The following YTHDF2 variants were observed in gnomAD, a reference collection of about 807,000 sequenced individuals.
YTHDF2 encodes the protein YTH N6-methyladenosine RNA binding protein F2.
A neutral mutation model predicts 50.4 loss-of-function variants in YTHDF2; 2 were observed. The observed-to-expected ratio is 0.04, with a 90% CI of 0.02 to 0.12. The LOEUF is 0.12. Ranked by LOEUF, YTHDF2 falls within the 10% of genes least tolerant of loss-of-function variation. YTHDF2 has a pLI of 1.00. For synonymous variants in YTHDF2, 217 were observed against 255.6 expected (o/e 0.85, Z 1.44); for missense variants, 483 against 722.6 (o/e 0.67, Z 3.80).
intron 3 of YTHDF2, 139 bp downstream of exon 3, chr1:28,738,477 C>T: frequency 1.3e-6 from 1 of 788,266 alleles, no homozygotes; most frequent in Non-Finnish European, 2.0e-6. Flanking sequence ...CTGAGTCTCG[C>T]TCTGACGCCC....
chr1:28,740,443 A>G (rs191314729), intron 3 of YTHDF2: 61 of 152,336 alleles, frequency 4.0e-4, no homozygotes, highest in Non-Finnish European at 6.8e-4. Flanking sequence ...AATTTGGCTA[A>G]TAATATAAAT....
chr1:28,766,474 G>A (rs1244766528), intron 4 of YTHDF2, among the ~76,000 whole-genome samples: 1 of 152,120 alleles, frequency 6.6e-6, no homozygotes, highest in East Asian at 1.9e-4. Flanking sequence ...AAGTGAGGTT[G>A]TATCCTTCTC....
intron 4 of YTHDF2, among the ~76,000 whole-genome samples, chr1:28,767,710 G>A (rs188616286): frequency 3.7e-4 from 56 of 150,656 alleles, no homozygotes; most frequent in African/African-American, 1.3e-3. Context: ...GGGTTTCACC[G>A]TGTTAGCCGG....
chr1:28,758,371 A>C lies in YTHDF2; in HGVS notation c.1717-10558A>C, dbSNP rs543669270. Among the ~76,000 whole-genome samples, 3 of 152,242 alleles carry C rather than the reference A, an allele frequency of 2.0e-5. No individual in the cohort carries two copies. In the East Asian group the frequency reaches 5.8e-4, roughly 29 times the overall value. ...ACAGAGTGAGACCCTGTCTCCAAAA[A>C]ACTAATAATAATAAAATTGCTAACT... On this transcript the variant is annotated intron_variant, in intron 4 of 4. Transcript: ENST00000373812.
chr1:28,751,157 C>CTGAG (rs2087946710), intron 4 of YTHDF2, among the ~76,000 whole-genome samples: 1 of 145,084 alleles, frequency 6.9e-6, no homozygotes, highest in Non-Finnish European at 1.5e-5. Flanking sequence ...ACTCAGGAGG[C>CTGAG]TGAGGCAGGA....
At position 28,767,595 on chromosome 1, in the gene YTHDF2, G is replaced by A. The variant is rs544944633; in HGVS notation, c.1717-1334G>A. 2.0e-5 allele frequency among the ~76,000 whole-genome samples: 3 copies of A among 152,104 alleles called. No individual in the cohort carries two copies. The South Asian group carries it at 6.2e-4, about 32-fold the overall frequency. On this transcript the variant is annotated intron_variant, in intron 4 of 4. Transcript: ENST00000373812. ...ACGATCTCGGCTCACTGCAAGCTCC[G>A]CCTTCCGGGTTCACGCCATTCTCCT...
chr1:28,739,734 C>T (rs1570460235), intron 3 of YTHDF2, among the ~76,000 whole-genome samples: 2 of 152,040 alleles, frequency 1.3e-5, no homozygotes, highest in African/African-American at 4.8e-5. Context: ...AGATCAATAA[C>T]GTTGGAGGTT....
At chr1:28,767,500 T>TTTTA (rs764464393) in intron 4 of YTHDF2, among the ~76,000 whole-genome samples, 271 of 151,952 alleles carry the variant, frequency 1.8e-3, no homozygotes, top group Middle Eastern at 6.8e-3. Flanking sequence ...TTTATTTTTA[T>TTTTA]TTTATTTATT....
At chr1:28,736,926 T>C (rs1400835265), upstream of YTHDF2, 2 of 627,956 alleles carry the variant, frequency 3.2e-6, no homozygotes, top group Non-Finnish European at 2.7e-6. Context: ...AGACGGGCAT[T>C]GAGCTCTTGG....
intron 4 of YTHDF2, among the ~76,000 whole-genome samples, chr1:28,760,937 G>A (rs145790680): frequency 9.2e-5 from 14 of 152,024 alleles, no homozygotes; most frequent in Middle Eastern, 3.2e-3. Context: ...AGTTTTATAC[G>A]ACTTGCAGTG....
chr1:28,753,383 A>C lies in YTHDF2; in HGVS notation c.1716+9397A>C, dbSNP rs1200990675. Among the ~76,000 whole-genome samples, 17 of 143,110 alleles carry C rather than the reference A, an allele frequency of 1.2e-4. 1 individual carries two copies. In the East Asian group the frequency reaches 1.2e-3, roughly 10 times the overall value. 93.9% of individuals were successfully genotyped at this position (143,110 alleles called of 152,430 possible). A position where few individuals can be genotyped will look rare whatever the true frequency, so the allele number is the denominator to read the frequency against. On this transcript the variant is annotated intron_variant, in intron 4 of 4. Coordinates refer to ENST00000373812, the MANE Select transcript of YTHDF2 (RefSeq NM_016258.3). ...CAAAAAAAAAAAAAAAAAAAAAAAA[A>C]AAAAAAAAAAAAAAATCAGCCAGGT...
intron 4 of YTHDF2, among the ~76,000 whole-genome samples, chr1:28,756,915 C>T (rs961200473): frequency 6.6e-6 from 1 of 152,192 alleles, no homozygotes; most frequent in African/African-American, 2.4e-5. Context: ...ACGTTCTCTT[C>T]CTGCTTTTTT....
chr1:28,738,368 C>T (rs748501733), intron 3 of YTHDF2, 30 bp downstream of exon 3: 5 of 1,535,060 alleles, frequency 3.3e-6, no homozygotes, highest in East Asian at 2.2e-5. Context: ...CATATCTAAT[C>T]GAAGGGTGTG....
chr1:28,768,151 T>TCG (rs2088249096), intron 4 of YTHDF2, among the ~76,000 whole-genome samples: 1 of 151,890 alleles, frequency 6.6e-6, no homozygotes, highest in Non-Finnish European at 1.5e-5. Context: ...TGAGCGAAGA[T>TCG]CGCGCCATTG....
At chr1:28,749,179 C>CT (rs60729215) in intron 4 of YTHDF2, among the ~76,000 whole-genome samples, 8,135 of 107,338 alleles carry the variant, frequency 0.076, 873 homozygotes, top group African/African-American at 0.23. Flanking sequence ...TTCTTTCTTC[C>CT]TTTTTTTTTT....
chr1:28,737,813 G>GT, intron 2 of YTHDF2, 131 bp downstream of exon 2: 1 of 1,046,952 alleles, frequency 9.6e-7, no homozygotes, highest in Non-Finnish European at 1.4e-6. Flanking sequence ...GCACACTTAA[G>GT]TATTTTGACC....
rs1280889676 is a variant in YTHDF2 at position 28,743,826 on chromosome 1, A to T, written c.1556A>T (p.Glu519Val). The T allele has an allele frequency of 1.2e-6, 2 of 1,613,932 alleles. No individual in the cohort carries two copies. Among genetic ancestry groups the T allele is most frequent in the Non-Finnish European group, 1.7e-6 (2 of 1,179,914 alleles). The change falls in exon 4 of 5, where the codon GAG becomes GTG. Residue 519 changes from glutamate to valine, a missense_variant. Glu to Val is a moderately radical substitution (Grantham distance 121, BLOSUM62 -2). This residue lies in a region of YTHDF2 where 1 missense variants were observed against 17.8 expected (regional missense o/e 0.06). Coordinates refer to ENST00000373812, the MANE Select transcript of YTHDF2 (RefSeq NM_016258.3). This position sits in a 1 kb window ranked among gnomAD's most constrained non-coding sequence, Gnocchi z 6.9. ...CGACACATTCGCCTAGAGAACAACG[A>T]GAATAAACCAGTGACCAACTCTAGG... ...QLRHIRLENNENKPVTNSRDT... is the reference protein window; with the variant it reads ...QLRHIRLENNVNKPVTNSRDT...
chr1:28,753,096 CAGTTTAGCAAAGA>C (rs1202570206), intron 4 of YTHDF2, among the ~76,000 whole-genome samples: 2 of 151,644 alleles, frequency 1.3e-5, no homozygotes, highest in Non-Finnish European at 2.9e-5. Flanking sequence ...AACTATTACC[CAGTTTAGCAAAGA>C]AGTTGCTCAA....
At chr1:28,765,770 A>T (rs907221799) in intron 4 of YTHDF2, among the ~76,000 whole-genome samples, 3 of 151,860 alleles carry the variant, frequency 2.0e-5, no homozygotes, top group Non-Finnish European at 4.4e-5. Flanking sequence ...TTTCAGATTT[A>T]CTCTTCCACA....
Sources: gnomAD v4.1 joint callset for allele counts (sites outside exome capture counted in the v4.1 genomes callset) on GRCh38, gnomAD v4.1.1 for gene constraint, gnomAD v4.1.1 regional missense constraint, Gnocchi (gnomAD v3.1) non-coding constraint, MANE v1.5 for transcripts, NCBI Gene and HGNC (gene_info 2026-07-23, HGNC 2026-07-21) for gene names.